Variants in TNKS observed in about 807,000 individuals in gnomAD.
TNKS encodes poly [ADP-ribose] polymerase tankyrase-1.
Under a neutral mutation model 135.8 loss-of-function variants are expected in TNKS, and 72 were observed. The observed-to-expected ratio is 0.53, with a 90% CI of 0.44 to 0.64. The LOEUF is 0.64. Ranked by LOEUF, TNKS falls within the 30% of genes least tolerant of loss-of-function variation. TNKS has a pLI of 0.00. For missense variants in TNKS, 1,769 were observed against 1,674.0 expected (o/e 1.06, Z -0.99); for synonymous variants, 849 against 649.3 (o/e 1.31, Z -4.68).
chr8:9,566,634 C>A (rs941176964), intron 1 of TNKS: 2 of 127,894 alleles, frequency 1.6e-5, no homozygotes, highest in Admixed American at 1.8e-4. Context: ...CGGAGTCTCG[C>A]TCTGTCGCCC....
chr8:9,770,247 C>A lies in TNKS; in HGVS notation c.3882C>A (p.Ile1294=). The A allele has an allele frequency of 1.2e-6, 2 of 1,612,488 alleles. No individual in the cohort carries two copies. Among genetic ancestry groups the A allele is most frequent in the Non-Finnish European group, 8.5e-7 (1 of 1,179,310 alleles). ...VNGLAYAEYV[I]YRGEQAYPEY... is the part of the protein sequence containing the mutation. ...GGCTGGCATATGCTGAATATGTCATCTACAGAGGAGAACAGGTATGTTACT... is the reference window on the plus strand; with the variant it reads ...GGCTGGCATATGCTGAATATGTCATATACAGAGGAGAACAGGTATGTTACT... The change falls in exon 26 of 27, where the codon ATC becomes ATA. Residue 1294 remains isoleucine (I), a synonymous_variant. Transcript: ENST00000310430.
chr8:9,756,656 C>G (rs1343986296), intron 20 of TNKS, among the ~76,000 whole-genome samples: 6 of 152,138 alleles, frequency 3.9e-5, no homozygotes, highest in Non-Finnish European at 5.9e-5. Context: ...TGCTTTCCAT[C>G]CAGATATTTC....
chr8:9,642,425 A>G (rs1800762875), intron 3 of TNKS, among the ~76,000 whole-genome samples: 1 of 146,480 alleles, frequency 6.8e-6, no homozygotes, highest in Non-Finnish European at 1.5e-5. Flanking sequence ...TTGTCACACT[A>G]GGATTTCCAC....
intron 3 of TNKS, among the ~76,000 whole-genome samples, chr8:9,639,295 G>T (rs1800636072): frequency 6.6e-6 from 1 of 152,090 alleles, no homozygotes; most frequent in Non-Finnish European, 1.5e-5. Flanking sequence ...TTGAAGGAAT[G>T]CACATTTACA....
At chr8:9,618,228 C>T (rs1269758785) in intron 3 of TNKS, among the ~76,000 whole-genome samples, 1 of 152,162 alleles carries the variant, frequency 6.6e-6, no homozygotes, top group East Asian at 1.9e-4. Flanking sequence ...CTCAGGTGAC[C>T]TGTCTGCCTG....
chr8:9,678,602 C>G (rs1359838344), intron 3 of TNKS, among the ~76,000 whole-genome samples: 1 of 152,046 alleles, frequency 6.6e-6, no homozygotes. Flanking sequence ...AGATTTTAAC[C>G]TAATCTTAAT....
At chr8:9,606,927 C>T (rs958836527) in intron 2 of TNKS, among the ~76,000 whole-genome samples, 3 of 151,848 alleles carry the variant, frequency 2.0e-5, no homozygotes, top group Admixed American at 1.3e-4. Flanking sequence ...AAGGTGTTTC[C>T]CATGTTTCTT....
intron 2 of TNKS, among the ~76,000 whole-genome samples, chr8:9,611,186 C>G (rs561000543): frequency 6.6e-6 from 1 of 152,254 alleles, no homozygotes; most frequent in South Asian, 2.1e-4. Context: ...ATGAATAGAG[C>G]TGAGACGCAT....
At chr8:9,565,522 C>G (rs74643866) in intron 1 of TNKS, among the ~76,000 whole-genome samples, 7 of 152,194 alleles carry the variant, frequency 4.6e-5, no homozygotes, top group South Asian at 4.1e-4. Flanking sequence ...TACTGATTGA[C>G]TCAAAAAACC....
chr8:9,606,426 A>G (rs528272192), intron 2 of TNKS, among the ~76,000 whole-genome samples: 26 of 151,990 alleles, frequency 1.7e-4, no homozygotes, highest in Non-Finnish European at 3.5e-4. Flanking sequence ...TATTATATCT[A>G]TATGTATTCT....
chr8:9,678,506 A>G (rs1802642927), intron 3 of TNKS, among the ~76,000 whole-genome samples: 1 of 152,242 alleles, frequency 6.6e-6, no homozygotes, highest in Non-Finnish European at 1.5e-5. Context: ...TCTTAAACTT[A>G]TAACTTTATT....
rs10104653 is a variant in TNKS at position 9,638,127 on chromosome 8, A to T, written c.994+22450A>T. Among the ~76,000 whole-genome samples the T allele has an allele frequency of 9.3e-3, 1,410 of 152,274 alleles. 16 individuals carry two copies. Among genetic ancestry groups the T allele is most frequent in the African/African-American group, 0.033 (1,362 of 41,564 alleles). ...GTAGCTAAGACTATGGGCGTACGCC[A>T]CTATAACTAGCTAACTTTTTTATTC... On this transcript the variant is annotated intron_variant, in intron 3 of 26. Coordinates refer to ENST00000310430, the MANE Select transcript of TNKS (RefSeq NM_003747.3).
intron 3 of TNKS, among the ~76,000 whole-genome samples, chr8:9,665,575 A>T (rs1423667754): frequency 6.6e-6 from 1 of 152,200 alleles, no homozygotes; most frequent in African/African-American, 2.4e-5. Context: ...ACAAGATTCC[A>T]TAAAAGGGAT....
At chr8:9,713,071 T>G (rs1029106884) in intron 11 of TNKS, among the ~76,000 whole-genome samples, 1 of 152,198 alleles carries the variant, frequency 6.6e-6, no homozygotes, top group Admixed American at 6.5e-5. Context: ...GGTGTGTGAT[T>G]TAAAAATTTG....
rs376900579 is a variant in TNKS at position 9,743,065 on chromosome 8, A to G, written c.2644-4959A>G. ...AGTCTACATTTCTATTAGGATAGAA[A>G]AACACTGATTATGTTGTATTCGTCC... On this transcript the variant is annotated intron_variant, in intron 17 of 26. Transcript: ENST00000310430. 7.9e-5 allele frequency among the ~76,000 whole-genome samples: 12 copies of G among 152,286 alleles called. No individual in the cohort carries two copies. In the East Asian group the frequency reaches 1.5e-3, roughly 20 times the overall value.
intron 1 of TNKS, among the ~76,000 whole-genome samples, chr8:9,575,906 C>G (rs550754625): frequency 6.3e-4 from 96 of 152,280 alleles, no homozygotes; most frequent in African/African-American, 2.2e-3. Flanking sequence ...GAGTTGGTTT[C>G]AGTTCTGTGA....
intron 3 of TNKS, among the ~76,000 whole-genome samples, chr8:9,641,873 A>T (rs768908806): frequency 6.8e-6 from 1 of 146,144 alleles, no homozygotes; most frequent in Non-Finnish European, 1.5e-5. Context: ...TGTAGATCTC[A>T]CACAAAGCAA....
At chr8:9,686,265 A>C (rs887304666) in intron 5 of TNKS, among the ~76,000 whole-genome samples, 20 of 152,174 alleles carry the variant, frequency 1.3e-4, no homozygotes, top group Admixed American at 2.6e-4. Flanking sequence ...CACATGAAGA[A>C]CTGAGGCCCC....
At chr8:9,693,676 T>G (rs1563171438) in intron 5 of TNKS, among the ~76,000 whole-genome samples, 1 of 151,844 alleles carries the variant, frequency 6.6e-6, no homozygotes, top group African/African-American at 2.4e-5. Flanking sequence ...TGCAGGAAGT[T>G]AAAAAAAATT....
Sources: gnomAD v4.1 joint callset for allele counts (sites outside exome capture counted in the v4.1 genomes callset) on GRCh38, gnomAD v4.1.1 for gene constraint, MANE v1.5 for transcripts, NCBI Gene and HGNC (gene_info 2026-07-23, HGNC 2026-07-21) for gene names.